CAMKMT: variants seen among roughly 807,000 people sequenced by gnomAD.
CAMKMT encodes calmodulin-lysine N-methyltransferase.
Under a neutral mutation model 48.0 loss-of-function variants are expected in CAMKMT, and 53 were observed. The ratio of observed to expected loss-of-function variants is 1.10; its 90% confidence interval spans 0.89 to 1.39. The LOEUF is 1.39. Among genes scored for constraint, CAMKMT ranks in the 40% most tolerant of loss-of-function variants. The pLI, the probability that CAMKMT is intolerant of heterozygous loss-of-function variation, is 0.00. For synonymous variants in CAMKMT, 165 were observed against 152.3 expected (o/e 1.08, Z -0.61); for missense variants, 428 against 402.7 (o/e 1.06, Z -0.54).
intron 3 of CAMKMT, among the ~76,000 whole-genome samples, chr2:44,448,021 T>A (rs1374943931): frequency 1.3e-5 from 2 of 152,062 alleles, no homozygotes; most frequent in Non-Finnish European, 2.9e-5. Flanking sequence ...TGTTTCTTAA[T>A]TTTTTTTCAC....
intron 6 of CAMKMT, among the ~76,000 whole-genome samples, chr2:44,714,813 GT>G (rs1403191609): frequency 2.6e-5 from 4 of 152,172 alleles, no homozygotes; most frequent in African/African-American, 4.8e-5. Flanking sequence ...GCCCAGGGAA[GT>G]AAAAGAGCTT....
chr2:44,427,192 C>T (rs918495182), intron 3 of CAMKMT, among the ~76,000 whole-genome samples: 2 of 152,058 alleles, frequency 1.3e-5, no homozygotes, highest in African/African-American at 2.4e-5. Context: ...TATAAGATCT[C>T]GAACCATAAA....
intron 3 of CAMKMT, among the ~76,000 whole-genome samples, chr2:44,610,705 A>G (rs1208627129): frequency 1.3e-5 from 2 of 152,202 alleles, no homozygotes; most frequent in East Asian, 3.8e-4. Context: ...AATATATAAG[A>G]GTTCTTAAAC....
chr2:44,382,059 A>C (rs144797875), intron 2 of CAMKMT, among the ~76,000 whole-genome samples: 8,232 of 150,218 alleles, frequency 0.055, 281 homozygotes, highest in South Asian at 0.13. Flanking sequence ...CTCCTGCCTC[A>C]GCCTCCTGAG....
At chr2:44,648,069 A>T (rs1673848221) in intron 3 of CAMKMT, among the ~76,000 whole-genome samples, 1 of 152,200 alleles carries the variant, frequency 6.6e-6, no homozygotes, top group Non-Finnish European at 1.5e-5. Context: ...GGCAATTGTT[A>T]AAAAGAATGA....
chr2:44,599,977 A>G (rs887299271), intron 3 of CAMKMT, among the ~76,000 whole-genome samples: 4 of 152,044 alleles, frequency 2.6e-5, no homozygotes, highest in African/African-American at 9.7e-5. Context: ...AAAGTACTTT[A>G]TTTTGCAGTT....
intron 3 of CAMKMT, among the ~76,000 whole-genome samples, chr2:44,421,630 A>C (rs1389185913): frequency 2.0e-5 from 3 of 152,204 alleles, no homozygotes; most frequent in Non-Finnish European, 4.4e-5. Flanking sequence ...TTTAATATTC[A>C]TAACAGGCTT....
intron 3 of CAMKMT, among the ~76,000 whole-genome samples, chr2:44,680,166 A>C (rs1421671161): frequency 6.6e-6 from 1 of 152,160 alleles, no homozygotes; most frequent in East Asian, 1.9e-4. Context: ...ATAGATGGCA[A>C]ATTCACTAAA....
Position 44,765,520 on chromosome 2 carries a change from A to ATT in CAMKMT, c.763-900_763-899dup, listed in dbSNP as rs56681305. 4.8e-4 allele frequency among the ~76,000 whole-genome samples: 68 copies of ATT among 140,962 alleles called. 1 individual carries two copies. Among genetic ancestry groups the ATT allele is most frequent in the South Asian group, 2.1e-3 (9 of 4,244 alleles). The allele number at this position is 140,962 out of a possible 152,430, so 92.5% of individuals were successfully genotyped here. A position where few individuals can be genotyped will look rare whatever the true frequency, so the allele number is the denominator to read the frequency against. On this transcript the variant is annotated intron_variant, in intron 9 of 10. Transcript: ENST00000378494. ...GTAACAGAAGCATATAGCCATCTTTATTTTTTTTTTTAAAAAAAAAAAAGG... is the reference window on the plus strand; with the variant it reads ...GTAACAGAAGCATATAGCCATCTTTATTTTTTTTTTTTTAAAAAAAAAAAAGG...
intron 3 of CAMKMT, among the ~76,000 whole-genome samples, chr2:44,437,181 G>GA (rs1407548727): frequency 3.3e-5 from 5 of 152,170 alleles, no homozygotes; most frequent in Non-Finnish European, 5.9e-5. Flanking sequence ...GAGTAGCTGA[G>GA]AAAATGGTTC....
At chr2:44,401,000 T>C (rs1251659234) in intron 3 of CAMKMT, 1 of 149,836 alleles carries the variant, frequency 6.7e-6, no homozygotes, top group Non-Finnish European at 1.5e-5. Flanking sequence ...GTTCTTCATT[T>C]GGTTCTTGTT....
intron 3 of CAMKMT, among the ~76,000 whole-genome samples, chr2:44,525,503 C>G (rs1192254324): frequency 6.6e-6 from 1 of 152,192 alleles, no homozygotes; most frequent in East Asian, 1.9e-4. Context: ...ATCCACCCTC[C>G]TCGGCCTCCC....
rs141780438 is a variant in CAMKMT, at chr2:44,564,598, A to G, written c.377-139685A>G. ...TTGCTCTTGTCACCCAGGAAGCTGGAGTGCAGTGTGGCACGATCTCAGCTC... is the reference window on the plus strand; with the variant it reads ...TTGCTCTTGTCACCCAGGAAGCTGGGGTGCAGTGTGGCACGATCTCAGCTC... On this transcript the variant is annotated intron_variant, in intron 3 of 10. Coordinates refer to ENST00000378494, the MANE Select transcript of CAMKMT (RefSeq NM_024766.5). 4.0e-3 allele frequency among the ~76,000 whole-genome samples: 608 copies of G among 151,738 alleles called. 2 individuals are homozygous for G. Among genetic ancestry groups the G allele is most frequent in the Non-Finnish European group, 6.3e-3 (426 of 67,934 alleles).
At chr2:44,419,541 G>C (rs1683787542) in intron 3 of CAMKMT, among the ~76,000 whole-genome samples, 1 of 152,110 alleles carries the variant, frequency 6.6e-6, no homozygotes, top group African/African-American at 2.4e-5. Context: ...TCTCCTCTAG[G>C]CCTCTAGAAC....
chr2:44,573,805 T>A (rs1431671241), intron 3 of CAMKMT, among the ~76,000 whole-genome samples: 3 of 152,216 alleles, frequency 2.0e-5, no homozygotes, highest in Admixed American at 6.5e-5. Flanking sequence ...TCAAACCAAA[T>A]GTATTAGTTT....
chr2:44,540,534 T>G (rs1028002837), intron 3 of CAMKMT, among the ~76,000 whole-genome samples: 2 of 152,150 alleles, frequency 1.3e-5, no homozygotes, highest in Non-Finnish European at 2.9e-5. Context: ...GCGGATCCCT[T>G]GAGTTCAGGC....
At chr2:44,765,878 G>T (rs982829251) in intron 9 of CAMKMT, among the ~76,000 whole-genome samples, 1 of 152,192 alleles carries the variant, frequency 6.6e-6, no homozygotes, top group African/African-American at 2.4e-5. Flanking sequence ...ATCTGACAGC[G>T]TGGTCACAGA....
At chr2:44,382,515 G>C (rs1680351659) in intron 2 of CAMKMT, among the ~76,000 whole-genome samples, 1 of 146,108 alleles carries the variant, frequency 6.8e-6, no homozygotes, top group Non-Finnish European at 1.5e-5. Flanking sequence ...GTCTCGCTCT[G>C]TCACCCAGGC....
intron 3 of CAMKMT, among the ~76,000 whole-genome samples, chr2:44,603,779 C>T (rs542760406): frequency 2.0e-5 from 3 of 152,140 alleles, no homozygotes; most frequent in African/African-American, 7.2e-5. Flanking sequence ...TGCATTCTTT[C>T]AATTCAAAGT....
Sources: gnomAD v4.1 joint callset for allele counts (sites outside exome capture counted in the v4.1 genomes callset) on GRCh38, gnomAD v4.1.1 for gene constraint, MANE v1.5 for transcripts, NCBI Gene and HGNC (gene_info 2026-07-23, HGNC 2026-07-21) for gene names.